UBAP1: variants seen among roughly 807,000 people sequenced by gnomAD.
The protein encoded by UBAP1 is ubiquitin associated protein 1, also known as ubiquitin-associated protein 1.
A neutral mutation model predicts 39.0 loss-of-function variants in UBAP1; 5 were observed. The observed-to-expected ratio is 0.13, with a 90% CI of 0.07 to 0.27. The LOEUF is 0.27. UBAP1 is among the 10% of genes least tolerant of loss of function. The probability of loss-of-function intolerance (pLI) is 1.00; values close to 1 mark genes in which losing one functional copy is unlikely to be tolerated. For synonymous variants in UBAP1, 211 were observed against 225.1 expected (o/e 0.94, Z 0.56); for missense variants, 490 against 608.1 (o/e 0.81, Z 2.04).
At chr9:34,186,897 T>A (rs1414648782) in intron 1 of UBAP1, among the ~76,000 whole-genome samples, 2 of 152,058 alleles carry the variant, frequency 1.3e-5, no homozygotes, top group Non-Finnish European at 2.9e-5. Flanking sequence ...GTTTTGTGTT[T>A]TTTTTTATTT....
At position 34,249,866 on chromosome 9, in the gene UBAP1, A is replaced by C. The variant is rs748012757; in HGVS notation, c.1171A>C (p.Ser391Arg). 32 of 1,614,088 alleles carry C rather than the reference A, an allele frequency of 2.0e-5. No homozygotes were observed. Among genetic ancestry groups the C allele is most frequent in the Admixed American group, 8.3e-5 (5 of 60,006 alleles). ...TTCTGAACTGCAGATGCTGTCCCCC[A>C]GCGAGCGGCAGTGTGTGGAGACGGT... is the stretch of plus-strand genomic sequence containing the variant. The part of the protein sequence containing the change: ...AYSELQMLSP[S>R]ERQCVETVVN... Residue 391 changes from serine to arginine, a missense_variant, in exon 5 of 7, where the codon AGC becomes CGC. By Grantham distance (110) the Ser-to-Arg change is moderately radical. Coordinates refer to ENST00000297661, the MANE Select transcript of UBAP1 (RefSeq NM_016525.5).
At chr9:34,215,323 CATAT>C (rs150254096) in intron 1 of UBAP1, among the ~76,000 whole-genome samples, 1 of 147,976 alleles carries the variant, frequency 6.8e-6, no homozygotes, top group East Asian at 2.0e-4. Flanking sequence ...ATATATGTGT[CATAT>C]ATATATATAT....
At chr9:34,182,667 CTT>C (rs1289284341) in intron 1 of UBAP1, among the ~76,000 whole-genome samples, 2,001 of 55,604 alleles carry the variant, frequency 0.036, 68 homozygotes, top group South Asian at 0.057. Flanking sequence ...TTCTTTCTTT[CTT>C]TCTTTCTTTC....
intron 3 of UBAP1, among the ~76,000 whole-genome samples, chr9:34,235,249 T>TA (rs960958841): frequency 3.3e-5 from 5 of 151,988 alleles, no homozygotes; most frequent in Admixed American, 1.3e-4. Context: ...CACAGTAAGT[T>TA]AGAGTTATTA....
At chr9:34,230,357 C>T (rs1833344987) in intron 2 of UBAP1, among the ~76,000 whole-genome samples, 1 of 152,186 alleles carries the variant, frequency 6.6e-6, no homozygotes. Context: ...AGCTGCCGCA[C>T]CTGGCCAAAT....
chr9:34,212,062 A>C (rs1342289462), intron 1 of UBAP1: 1 of 400,844 alleles, frequency 2.5e-6, no homozygotes, highest in African/African-American at 2.1e-5. Context: ...AATATGTTTT[A>C]TTGTTATTTT....
At chr9:34,190,379 T>C (rs1830645858) in intron 1 of UBAP1, among the ~76,000 whole-genome samples, 1 of 151,998 alleles carries the variant, frequency 6.6e-6, no homozygotes, top group African/African-American at 2.4e-5. Context: ...AACCTCTGCC[T>C]CCTGGGTCCA....
At chr9:34,249,701 A>C (rs890815002) in intron 4 of UBAP1, 78 bp from the exon 5 acceptor site, 2 of 1,404,526 alleles carry the variant, frequency 1.4e-6, no homozygotes, top group Non-Finnish European at 2.0e-6. Context: ...AGAAATGCCA[A>C]CCCCTGGACT....
At chr9:34,228,736 A>ATTTTTTT (rs55715947) in intron 2 of UBAP1, among the ~76,000 whole-genome samples, 3 of 140,894 alleles carry the variant, frequency 2.1e-5, no homozygotes, top group Non-Finnish European at 1.5e-5. Flanking sequence ...TGCCTAGCTA[A>ATTTTTTT]TTTTTTTTTT....
Position 34,179,167 on chromosome 9 carries a change from G to A in UBAP1, c.-81G>A, listed in dbSNP as rs997536411. The A allele has an allele frequency of 1.3e-5, 16 of 1,239,388 alleles. No homozygotes were observed. Among genetic ancestry groups the A allele is most frequent in the Admixed American group, 4.2e-5 (1 of 23,788 alleles). The allele number at this position is 1,239,388 out of a possible 1,614,324, so 76.8% of individuals were successfully genotyped here. On this transcript the variant is annotated 5_prime_UTR_variant, in exon 1 of 7. Transcript: ENST00000297661. ...CCCTAGGGGCTGTCGGGAGCTCAGC[G>A]GGGACCGAGCCTGGGAGGCCGGCCG...
chr9:34,232,354 A>G (rs1405863584), intron 2 of UBAP1, among the ~76,000 whole-genome samples: 1 of 152,244 alleles, frequency 6.6e-6, no homozygotes, highest in Non-Finnish European at 1.5e-5. Context: ...TAGGAATGTG[A>G]TAGGCATTGC....
Position 34,182,187 on chromosome 9 carries a change from TA to T in UBAP1, c.-8+2948del, listed in dbSNP as rs1176851005. ...TTATTTATTTATTTATTTATTTATT[TA>T]TTTATTTATTTATTGAGACTGAGTC... On this transcript the variant is annotated intron_variant, in intron 1 of 6. Coordinates refer to ENST00000297661, the MANE Select transcript of UBAP1 (RefSeq NM_016525.5). 7.1e-3 allele frequency among the ~76,000 whole-genome samples: 1,034 copies of T among 146,592 alleles called. 72 individuals are homozygous for T. The highest frequency in any genetic ancestry group is 0.025 in the African/African-American group (928 of 37,654).
chr9:34,224,797 G>T (rs906220431), intron 2 of UBAP1, among the ~76,000 whole-genome samples: 1 of 152,152 alleles, frequency 6.6e-6, no homozygotes, highest in Non-Finnish European at 1.5e-5. Flanking sequence ...CTCTCTCAAG[G>T]CTAAAATTAG....
intron 1 of UBAP1, among the ~76,000 whole-genome samples, chr9:34,189,658 C>T (rs989520262): frequency 6.6e-5 from 10 of 151,794 alleles, no homozygotes; most frequent in South Asian, 4.2e-4. Flanking sequence ...TTTTTTGAGA[C>T]GGAGTTTTGC....
intron 2 of UBAP1, among the ~76,000 whole-genome samples, chr9:34,229,318 C>T (rs1487586305): frequency 2.7e-5 from 4 of 150,854 alleles, no homozygotes; most frequent in African/African-American, 9.8e-5. Flanking sequence ...AGTGCAATGA[C>T]GTGATCTTGG....
At chr9:34,205,425 A>T (rs1831630402) in intron 1 of UBAP1, among the ~76,000 whole-genome samples, 1 of 152,188 alleles carries the variant, frequency 6.6e-6, no homozygotes, top group Admixed American at 6.5e-5. Flanking sequence ...TTTTATTGGT[A>T]ACTACAAGAG....
At chr9:34,203,594 A>G (rs1281556599) in intron 1 of UBAP1, among the ~76,000 whole-genome samples, 3 of 152,196 alleles carry the variant, frequency 2.0e-5, no homozygotes, top group African/African-American at 7.2e-5. Context: ...CTACAAATAT[A>G]TATTTGTTTC....
intron 3 of UBAP1, among the ~76,000 whole-genome samples, chr9:34,237,513 T>A (rs983790666): frequency 1.1e-4 from 16 of 152,058 alleles, no homozygotes; most frequent in African/African-American, 3.6e-4. Flanking sequence ...AGAAAAAAAA[T>A]ATTTATTGAG....
chr9:34,208,850 G>A (rs1239186155), intron 1 of UBAP1, among the ~76,000 whole-genome samples: 1 of 151,648 alleles, frequency 6.6e-6, no homozygotes, highest in African/African-American at 2.4e-5. Context: ...AGGCTGAGGC[G>A]GGAGAATTGC....
Sources: allele counts gnomAD v4.1 joint callset (sites outside exome capture counted in the v4.1 genomes callset), GRCh38; gene constraint gnomAD v4.1.1; transcripts MANE v1.5; gene names NCBI Gene and HGNC (gene_info 2026-07-23, HGNC 2026-07-21).